SGIP1: variants seen among roughly 807,000 people sequenced by gnomAD.
The protein encoded by SGIP1 is SH3-containing GRB2-like protein 3-interacting protein 1.
In SGIP1, 38 loss-of-function variants were observed where a neutral mutation model predicts 107.5. That is an observed-to-expected ratio of 0.35 (90% CI 0.27 to 0.46). The LOEUF (loss-of-function observed/expected upper bound fraction) is 0.46. SGIP1 is among the 20% of genes least tolerant of loss of function. The pLI is 1.00. For synonymous variants in SGIP1, 365 were observed against 366.1 expected, an observed-to-expected ratio of 1.00 and a Z score of 0.03; for missense variants, 929 against 1,019.5, an observed-to-expected ratio of 0.91 and a Z score of 1.21.
At chr1:66,630,749 T>C (rs536030206) in intron 2 of SGIP1, among the ~76,000 whole-genome samples, 1 of 144,574 alleles carries the variant, frequency 6.9e-6, no homozygotes, top group South Asian at 2.2e-4. Context: ...GAGATTGCAG[T>C]GAGCTGAGAT....
In SGIP1 at chr1:66,572,765, A is replaced by AT. The variant is rs138799279; in HGVS notation, c.10+38401dup. On this transcript the variant is annotated intron_variant, in intron 1 of 24. Transcript: ENST00000371037. The stretch of plus-strand genomic sequence containing the variant: ...CTCCTCTTCAGTGTGGTGCTAGGAT[A>AT]TTTTAAAGAGCCTACAACAGAGAGA... Among the ~76,000 whole-genome samples, 1,103 of 152,194 alleles carry AT rather than the reference A, an allele frequency of 7.2e-3. 4 individuals carry two copies. The highest frequency in any genetic ancestry group is 0.025 in the African/African-American group (1,046 of 41,550).
At chr1:66,675,437 TC>T (rs2084966385) in intron 12 of SGIP1, among the ~76,000 whole-genome samples, 2 of 152,116 alleles carry the variant, frequency 1.3e-5, no homozygotes, top group South Asian at 4.1e-4. Context: ...ACTAGCTTTT[TC>T]GATACCCACA....
intron 19 of SGIP1, among the ~76,000 whole-genome samples, chr1:66,725,869 C>G (rs967609584): frequency 3.9e-5 from 6 of 152,320 alleles, no homozygotes; most frequent in East Asian, 3.9e-4. Context: ...CCAGGGGAAG[C>G]TAAGGTTGAT....
chr1:66,682,236 A>T lies in SGIP1; in HGVS notation c.1182A>T (p.Leu394Phe), dbSNP rs1037938049. 1.9e-6 allele frequency: 3 copies of T among 1,614,138 alleles called. No individual in the cohort carries two copies. Among genetic ancestry groups the T allele is most frequent in the Non-Finnish European group, 2.5e-6 (3 of 1,180,050 alleles). Residue 394 changes from leucine to phenylalanine, a missense_variant, in exon 15 of 25, where the codon TTA becomes TTT. Physicochemically the swap from Leu to Phe is conservative, Grantham distance 22. Coordinates refer to ENST00000371037, the MANE Select transcript of SGIP1 (RefSeq NM_032291.4). ...AEQTFIKDDY[L>F]ETISSPKDFG... Reference sequence around the variant, plus strand: ...AGACCTTCATTAAAGATGATTACTTAGAAACAATCTCATCTCCTAAAGATT... The same window carrying T: ...AGACCTTCATTAAAGATGATTACTTTGAAACAATCTCATCTCCTAAAGATT...
chr1:66,557,341 T>C (rs1048438078), intron 1 of SGIP1, among the ~76,000 whole-genome samples: 1 of 152,176 alleles, frequency 6.6e-6, no homozygotes, highest in Admixed American at 6.6e-5. Context: ...AGTGCTCTAA[T>C]CAAATGCAGC....
chr1:66,589,987 G>C (rs768391197), intron 1 of SGIP1, among the ~76,000 whole-genome samples: 4 of 152,104 alleles, frequency 2.6e-5, no homozygotes, highest in Non-Finnish European at 5.9e-5. Flanking sequence ...CTGTGTGTGA[G>C]TTGCCCCATT....
At position 66,682,373 on chromosome 1, in the gene SGIP1, T is replaced by C; in HGVS notation, c.1315+4T>C. 2 of 1,600,926 alleles carry C rather than the reference T, an allele frequency of 1.2e-6. No individual in the cohort carries two copies. The highest frequency in any genetic ancestry group is 1.7e-6 in the Non-Finnish European group (2 of 1,176,236). On this transcript the variant is annotated splice_donor_region_variant and intron_variant, in intron 15 of 24. Transcript: ENST00000371037. The stretch of plus-strand genomic sequence containing the variant: ...CCTGGTCCGGGGACCACCAGTGGTA[T>C]GTCTTATGCTTGAGTGTGCTTCTTG...
At chr1:66,598,345 C>G (rs937215734) in intron 1 of SGIP1, among the ~76,000 whole-genome samples, 1 of 152,168 alleles carries the variant, frequency 6.6e-6, no homozygotes, top group South Asian at 2.1e-4. Context: ...GCCACAGTTT[C>G]CCAACTGTGT....
At chr1:66,715,021 T>G (rs975433058) in intron 18 of SGIP1, among the ~76,000 whole-genome samples, 1 of 152,146 alleles carries the variant, frequency 6.6e-6, no homozygotes, top group African/African-American at 2.4e-5. Flanking sequence ...ATAATCTTTA[T>G]GCAAAATACC....
intron 1 of SGIP1, among the ~76,000 whole-genome samples, chr1:66,591,764 A>G (rs1284602617): frequency 8.5e-5 from 13 of 152,176 alleles, no homozygotes; most frequent in Non-Finnish European, 1.6e-4. Context: ...TATCTCTACC[A>G]TTTAGGTGAG....
chr1:66,730,962 C>G (rs1331203373), intron 20 of SGIP1, among the ~76,000 whole-genome samples: 1 of 152,188 alleles, frequency 6.6e-6, no homozygotes, highest in Non-Finnish European at 1.5e-5. Flanking sequence ...CCCCCACCAA[C>G]CAGCCCCAAA....
At chr1:66,625,118 A>C (rs1232204664) in intron 1 of SGIP1, among the ~76,000 whole-genome samples, 1 of 152,216 alleles carries the variant, frequency 6.6e-6, no homozygotes, top group Non-Finnish European at 1.5e-5. Context: ...CATAATACAT[A>C]TAAGAGCAAC....
At chr1:66,596,774 G>T (rs2064797755) in intron 1 of SGIP1, among the ~76,000 whole-genome samples, 1 of 151,738 alleles carries the variant, frequency 6.6e-6, no homozygotes, top group Non-Finnish European at 1.5e-5. Flanking sequence ...AGGGTATGTG[G>T]GGTCTATTAT....
chr1:66,547,593 C>T (rs2056641405), intron 1 of SGIP1, among the ~76,000 whole-genome samples: 1 of 152,146 alleles, frequency 6.6e-6, no homozygotes, highest in Non-Finnish European at 1.5e-5. Flanking sequence ...CAAATTTTAA[C>T]TAAGACACAT....
At chr1:66,669,985 C>A (rs1051720409) in intron 9 of SGIP1, among the ~76,000 whole-genome samples, 3 of 152,160 alleles carry the variant, frequency 2.0e-5, no homozygotes, top group African/African-American at 7.2e-5. Context: ...TGAGCCTTCA[C>A]TAAAATTAAA....
At chr1:66,657,174 T>G (rs2079967657) in intron 7 of SGIP1, among the ~76,000 whole-genome samples, 1 of 152,008 alleles carries the variant, frequency 6.6e-6, no homozygotes, top group Non-Finnish European at 1.5e-5. Context: ...AGACCCTATC[T>G]CTAAAAATAT....
chr1:66,729,745 G>A (rs2093922317), intron 20 of SGIP1, among the ~76,000 whole-genome samples: 1 of 152,200 alleles, frequency 6.6e-6, no homozygotes, highest in Non-Finnish European at 1.5e-5. Flanking sequence ...GGATGACAAT[G>A]GTGGGAAATG....
intron 19 of SGIP1, among the ~76,000 whole-genome samples, chr1:66,724,418 T>C (rs557310608): frequency 2.6e-5 from 4 of 152,342 alleles, no homozygotes; most frequent in Admixed American, 6.5e-5. Context: ...AAAAATTCTT[T>C]GGTGAGTATA....
intron 1 of SGIP1, among the ~76,000 whole-genome samples, chr1:66,547,444 G>A (rs1358458629): frequency 6.6e-6 from 1 of 152,176 alleles, no homozygotes; most frequent in African/African-American, 2.4e-5. Context: ...TTTCAGCAAA[G>A]TCTAATCCTC....
Sources: allele counts gnomAD v4.1 joint callset (sites outside exome capture counted in the v4.1 genomes callset), GRCh38; gene constraint gnomAD v4.1.1; transcripts MANE v1.5; gene names NCBI Gene and HGNC (gene_info 2026-07-23, HGNC 2026-07-21).